Variants in PRKN observed in about 807,000 individuals in gnomAD.
The protein encoded by PRKN is E3 ubiquitin-protein ligase parkin.
A neutral mutation model predicts 59.5 loss-of-function variants in PRKN; 56 were observed. That is an observed-to-expected ratio of 0.94 (90% confidence interval 0.76 to 1.18). PRKN has a LOEUF of 1.18. Among genes scored for constraint, PRKN ranks in the 50% most tolerant of loss-of-function variants. The pLI is 0.00. For missense variants in PRKN, 657 were observed against 596.4 expected (o/e 1.10, Z -1.06); for synonymous variants, 250 against 222.1 (o/e 1.13, Z -1.12).
intron 1 of PRKN, among the ~76,000 whole-genome samples, chr6:162,710,570 C>T (rs749819583): frequency 6.6e-6 from 1 of 152,038 alleles, no homozygotes; most frequent in Non-Finnish European, 1.5e-5. Flanking sequence ...TGTAAAGGTG[C>T]CCTCTGGGCT....
intron 6 of PRKN, among the ~76,000 whole-genome samples, chr6:161,810,854 G>A (rs897272982): frequency 6.6e-6 from 1 of 152,096 alleles, no homozygotes; most frequent in Non-Finnish European, 1.5e-5. Flanking sequence ...CATAAATACA[G>A]CCAAGGTGGT....
In PRKN at chr6:162,585,660, C is replaced by A. The variant is rs1237067053; in HGVS notation, c.7+142002G>T. ...TTATTTTTGATTCCACATTTCAGGG[C>A]AAATATACTGAGTATTTCATAGACT... On this transcript the variant is annotated intron_variant, in intron 1 of 11. Coordinates refer to ENST00000366898, the MANE Select transcript of PRKN (RefSeq NM_004562.3). Among the ~76,000 whole-genome samples, 3 of 152,022 alleles carry A rather than the reference C, an allele frequency of 2.0e-5. No individual in the cohort carries two copies. The East Asian group carries it at 5.8e-4, about 29-fold the overall frequency.
chr6:161,655,466 G>A (rs1784310809), intron 7 of PRKN, among the ~76,000 whole-genome samples: 1 of 152,064 alleles, frequency 6.6e-6, no homozygotes, highest in African/African-American at 2.4e-5. Flanking sequence ...CACCACCAAG[G>A]TGCACTGTCA....
At chr6:162,647,486 T>C (rs1778231017) in intron 1 of PRKN, among the ~76,000 whole-genome samples, 1 of 152,100 alleles carries the variant, frequency 6.6e-6, no homozygotes, top group Non-Finnish European at 1.5e-5. Context: ...AGATGCACTA[T>C]GGAAAGGTCT....
chr6:162,706,905 G>T (rs1345838683), intron 1 of PRKN, among the ~76,000 whole-genome samples: 1 of 152,052 alleles, frequency 6.6e-6, no homozygotes, highest in Non-Finnish European at 1.5e-5. Context: ...TACCACTGAT[G>T]GAATTTGTTT....
chr6:161,530,009 A>C lies in PRKN; in HGVS notation c.1083+18845T>G, dbSNP rs1779146329. On this transcript the variant is annotated intron_variant, in intron 9 of 11. Coordinates refer to ENST00000366898, the MANE Select transcript of PRKN (RefSeq NM_004562.3). The surrounding 1 kb of genome is among the most constrained non-coding windows in gnomAD (Gnocchi z 5.0). ...TGTTATAAAAACAACAGAGCAGCAAAAGCATTTTACTTAAGAAGCATTTAA... is the reference window on the plus strand; with the variant it reads ...TGTTATAAAAACAACAGAGCAGCAACAGCATTTTACTTAAGAAGCATTTAA... 6.6e-6 allele frequency among the ~76,000 whole-genome samples: 1 copy of C among 151,796 alleles called. No homozygotes were observed. Among genetic ancestry groups the C allele is most frequent in the African/African-American group, 2.4e-5 (1 of 41,192 alleles).
At chr6:162,508,836 A>G (rs887982630) in intron 1 of PRKN, among the ~76,000 whole-genome samples, 8 of 152,138 alleles carry the variant, frequency 5.3e-5, no homozygotes, top group Non-Finnish European at 8.8e-5. Context: ...TGGGTGACAC[A>G]GCAAGACCCT....
intron 3 of PRKN, among the ~76,000 whole-genome samples, chr6:162,224,302 CAAA>C (rs1201891134): frequency 6.6e-6 from 1 of 152,118 alleles, no homozygotes; most frequent in Non-Finnish European, 1.5e-5. Context: ...TTTAGATACA[CAAA>C]AACTTGCCAA....
intron 5 of PRKN, among the ~76,000 whole-genome samples, chr6:161,977,759 G>C (rs1159420713): frequency 1.3e-5 from 2 of 151,056 alleles, no homozygotes; most frequent in African/African-American, 4.9e-5. Flanking sequence ...ATGTTAGCCA[G>C]GATGGTCTCA....
intron 1 of PRKN, among the ~76,000 whole-genome samples, chr6:162,499,242 C>A (rs985530579): frequency 1.3e-5 from 2 of 152,122 alleles, no homozygotes; most frequent in African/African-American, 4.8e-5. Flanking sequence ...GAATAGTTTT[C>A]TTCTCTCTCC....
intron 1 of PRKN, among the ~76,000 whole-genome samples, chr6:162,494,731 CTG>C (rs2128185990): frequency 6.6e-6 from 1 of 152,306 alleles, no homozygotes; most frequent in South Asian, 2.1e-4. Flanking sequence ...ACAGTAAATA[CTG>C]TGTTATTATT....
intron 2 of PRKN, among the ~76,000 whole-genome samples, chr6:162,436,385 T>A (rs1467837717): frequency 6.6e-6 from 1 of 150,874 alleles, no homozygotes; most frequent in African/African-American, 2.4e-5. Context: ...CAGGCTGGAG[T>A]GCAATGGCGC....
intron 3 of PRKN, among the ~76,000 whole-genome samples, chr6:162,218,687 C>T (rs1777805623): frequency 6.6e-6 from 1 of 152,080 alleles, no homozygotes; most frequent in African/African-American, 2.4e-5. Context: ...GTAGAAAGCA[C>T]CCTACTTTGT....
intron 1 of PRKN, among the ~76,000 whole-genome samples, chr6:162,624,915 A>C (rs1480687828): frequency 2.0e-5 from 3 of 152,214 alleles, no homozygotes; most frequent in African/African-American, 7.2e-5. Context: ...TGGAGCTTGA[A>C]GGGAAATAAA....
intron 1 of PRKN, among the ~76,000 whole-genome samples, chr6:162,621,834 G>A (rs1287862159): frequency 6.6e-6 from 1 of 151,942 alleles, no homozygotes; most frequent in African/African-American, 2.4e-5. Flanking sequence ...TTTATTTACT[G>A]AGACAGAGTC....
At chr6:162,380,571 A>G (rs1443358342) in intron 2 of PRKN, among the ~76,000 whole-genome samples, 1 of 149,450 alleles carries the variant, frequency 6.7e-6, no homozygotes, top group African/African-American at 2.5e-5. Flanking sequence ...GGCTGCATGA[A>G]CCAATTTGCT....
At chr6:162,512,309 GTA>G (rs1736846022) in intron 1 of PRKN, among the ~76,000 whole-genome samples, 1 of 152,160 alleles carries the variant, frequency 6.6e-6, no homozygotes, top group Non-Finnish European at 1.5e-5. Flanking sequence ...TTAGCACAAA[GTA>G]TACCTTTACT....
At chr6:162,157,880 C>T (rs1782582818) in intron 4 of PRKN, among the ~76,000 whole-genome samples, 1 of 151,846 alleles carries the variant, frequency 6.6e-6, no homozygotes, top group Admixed American at 6.5e-5. Context: ...TTATCAACAG[C>T]TTGTCTTCCA....
At chr6:162,648,541 C>T (rs1778290196) in intron 1 of PRKN, among the ~76,000 whole-genome samples, 1 of 152,104 alleles carries the variant, frequency 6.6e-6, no homozygotes, top group Non-Finnish European at 1.5e-5. Flanking sequence ...GCCACCACAC[C>T]TGGCTAATGT....
Sources: allele counts gnomAD v4.1 joint callset (sites outside exome capture counted in the v4.1 genomes callset), GRCh38; gene constraint gnomAD v4.1.1; non-coding constraint Gnocchi (gnomAD v3.1); transcripts MANE v1.5; gene names NCBI Gene and HGNC (gene_info 2026-07-23, HGNC 2026-07-21).